MYO16: variants seen among roughly 807,000 people sequenced by gnomAD.
The protein encoded by MYO16 is unconventional myosin-XVI.
Under a neutral mutation model 205.3 loss-of-function variants are expected in MYO16, and 94 were observed. The observed-to-expected ratio is 0.46, with a 90% CI of 0.39 to 0.54. The LOEUF (loss-of-function observed/expected upper bound fraction) is 0.54. Ranked by LOEUF, MYO16 falls within the 20% of genes least tolerant of loss-of-function variation. The pLI is 0.00. For missense variants in MYO16, 2,315 were observed against 2,387.5 expected (o/e 0.97, Z 0.63); for synonymous variants, 988 against 954.0 (o/e 1.04, Z -0.66).
intron 2 of MYO16, among the ~76,000 whole-genome samples, chr13:108,707,936 G>T (rs925148959): frequency 1.3e-5 from 2 of 152,062 alleles, no homozygotes; most frequent in African/African-American, 4.8e-5. Flanking sequence ...GCTCCCAAAG[G>T]TGCAAAAATG....
the MYO16 span, among the ~76,000 whole-genome samples, chr13:108,516,619 A>C: frequency 6.6e-6 from 1 of 152,238 alleles, no homozygotes; most frequent in Non-Finnish European, 1.5e-5. Context: ...GTAAACATGT[A>C]TCAAGAAATA....
intron 2 of MYO16, among the ~76,000 whole-genome samples, chr13:108,672,146 T>G (rs923142362): frequency 6.6e-6 from 1 of 152,178 alleles, no homozygotes; most frequent in Non-Finnish European, 1.5e-5. Flanking sequence ...GAAATTTGGA[T>G]TGCAAATGAA....
At chr13:109,186,032 G>T (rs1217443305) in intron 34 of MYO16, among the ~76,000 whole-genome samples, 1 of 151,888 alleles carries the variant, frequency 6.6e-6, no homozygotes, top group African/African-American at 2.4e-5. Context: ...CAGACTTTAG[G>T]GTTAACAACT....
chr13:108,907,302 T>C (rs976767967), intron 15 of MYO16, among the ~76,000 whole-genome samples: 3 of 152,196 alleles, frequency 2.0e-5, no homozygotes, highest in African/African-American at 7.2e-5. Context: ...ACACCAAAAC[T>C]TTTTGGAACG....
At chr13:108,597,302 T>A (rs1036187897) in intron 1 of MYO16, among the ~76,000 whole-genome samples, 7 of 152,160 alleles carry the variant, frequency 4.6e-5, no homozygotes, top group African/African-American at 1.7e-4. Context: ...AAACCTACAA[T>A]CTCCCTGTAG....
At chr13:108,531,011 G>T in the MYO16 span, among the ~76,000 whole-genome samples, 1 of 151,420 alleles carries the variant, frequency 6.6e-6, no homozygotes, top group Non-Finnish European at 1.5e-5. Flanking sequence ...TTTTTTCACT[G>T]CATTTAGGTT....
chr13:109,206,848 C>A lies in MYO16; in HGVS notation c.*12C>A. 2 of 1,609,790 alleles carry A rather than the reference C, an allele frequency of 1.2e-6. No individual in the cohort carries two copies. The highest frequency in any genetic ancestry group is 1.7e-6 in the Non-Finnish European group (2 of 1,176,830). On this transcript the variant is annotated 3_prime_UTR_variant, in exon 35 of 35. Transcript: ENST00000457511. ...ACACCACCATTTGATGTGGCCTGAA[C>A]TGCAGACTTACAAAATAGAACTGCC...
intron 1 of MYO16, among the ~76,000 whole-genome samples, chr13:108,616,047 A>C (rs549616575): frequency 6.8e-4 from 103 of 152,262 alleles, no homozygotes; most frequent in African/African-American, 2.5e-3. Context: ...TGGCATAAAC[A>C]CTTATGTTTA....
chr13:108,754,911 C>T (rs1165905553), intron 4 of MYO16, among the ~76,000 whole-genome samples: 1 of 152,080 alleles, frequency 6.6e-6, no homozygotes, highest in Non-Finnish European at 1.5e-5. Flanking sequence ...TAGGAAAACA[C>T]AGCAGGACCA....
intron 27 of MYO16, among the ~76,000 whole-genome samples, chr13:109,089,469 C>T (rs541691163): frequency 1.9e-4 from 29 of 152,258 alleles, no homozygotes; most frequent in African/African-American, 6.5e-4. Context: ...CCCGCCTCAG[C>T]CTCCCAAAGT....
chr13:109,152,877 A>G (rs1877753581), intron 32 of MYO16, among the ~76,000 whole-genome samples: 1 of 152,182 alleles, frequency 6.6e-6, no homozygotes, highest in Non-Finnish European at 1.5e-5. Context: ...CGGAAAAATC[A>G]CTAAATACGA....
At chr13:108,597,110 C>G (rs946747727) in intron 1 of MYO16, among the ~76,000 whole-genome samples, 1 of 152,104 alleles carries the variant, frequency 6.6e-6, no homozygotes, top group African/African-American at 2.4e-5. Context: ...AAAATAACAG[C>G]CATCATTTAT....
chr13:108,526,767 T>G, the MYO16 span, among the ~76,000 whole-genome samples: 1 of 152,222 alleles, frequency 6.6e-6, no homozygotes, highest in Non-Finnish European at 1.5e-5. Context: ...TGTATCTTCC[T>G]GTGAATATTC....
intron 1 of MYO16, among the ~76,000 whole-genome samples, chr13:108,656,859 T>G (rs564574747): frequency 4.6e-5 from 7 of 152,160 alleles, no homozygotes; most frequent in African/African-American, 7.2e-5. Context: ...AACCAATAAA[T>G]CCAGTACAAA....
chr13:108,636,362 TTTTTTTTTGTGTGTGTGTGTGTG>T, intron 1 of MYO16, among the ~76,000 whole-genome samples: 1 of 89,938 alleles, frequency 1.1e-5, no homozygotes, highest in Non-Finnish European at 2.2e-5. Flanking sequence ...TTTTTTTTTT[TTTTTTTTTGTGTGTGTGTGTGTG>T]TGTGTGTGTG....
chr13:108,774,589 C>A (rs1461800116), intron 4 of MYO16, among the ~76,000 whole-genome samples: 3 of 151,860 alleles, frequency 2.0e-5, no homozygotes, highest in Non-Finnish European at 2.9e-5. Context: ...TAGAGACGTG[C>A]CTTACAGTCT....
chr13:108,739,358 C>T (rs947757961), intron 4 of MYO16, among the ~76,000 whole-genome samples: 3 of 152,070 alleles, frequency 2.0e-5, no homozygotes, highest in East Asian at 1.9e-4. Flanking sequence ...TCAGTGTTTG[C>T]TTATCTGTAA....
intron 1 of MYO16, among the ~76,000 whole-genome samples, chr13:108,621,921 C>A (rs1879557756): frequency 6.6e-6 from 1 of 151,744 alleles, no homozygotes; most frequent in Non-Finnish European, 1.5e-5. Context: ...TAGACTGTGC[C>A]TAATTTATAA....
At chr13:108,751,028 T>C (rs1391628818) in intron 4 of MYO16, among the ~76,000 whole-genome samples, 27 of 144,346 alleles carry the variant, frequency 1.9e-4, no homozygotes, top group Non-Finnish European at 9.0e-5. Flanking sequence ...TGCATAGAAA[T>C]ATGTATGTGT....
Sources: gnomAD v4.1 joint callset for allele counts (sites outside exome capture counted in the v4.1 genomes callset) on GRCh38, gnomAD v4.1.1 for gene constraint, MANE v1.5 for transcripts, NCBI Gene and HGNC (gene_info 2026-07-23, HGNC 2026-07-21) for gene names.